The following RXRA variants were observed in gnomAD, a reference collection of about 807,000 sequenced individuals.
RXRA encodes retinoic acid receptor RXR-alpha.
In RXRA, 5 loss-of-function variants were observed where a neutral mutation model predicts 44.5. The observed-to-expected ratio is 0.11, with a 90% CI of 0.06 to 0.24. The LOEUF is 0.24. Ranked by LOEUF, RXRA falls within the 10% of genes least tolerant of loss-of-function variation. RXRA has a pLI of 1.00. For synonymous variants in RXRA, 291 were observed against 271.4 expected (o/e 1.07, Z -0.71); for missense variants, 412 against 646.5 (o/e 0.64, Z 3.93).
At chr9:134,380,611 C>T (rs1564277924) in intron 1 of RXRA, among the ~76,000 whole-genome samples, 1 of 152,096 alleles carries the variant, frequency 6.6e-6, no homozygotes, top group South Asian at 2.1e-4. Flanking sequence ...GCCATGGGGT[C>T]CCTGCTCTCT....
intron 1 of RXRA, among the ~76,000 whole-genome samples, chr9:134,383,721 T>G (rs991670998): frequency 2.6e-5 from 4 of 152,106 alleles, no homozygotes; most frequent in African/African-American, 9.7e-5. Flanking sequence ...GGTGTGCCTC[T>G]TGGGAATAAA....
In RXRA at chr9:134,429,127, C is replaced by T. The variant is rs370309158; in HGVS notation, c.930C>T (p.Ile310=). 141 of 1,612,932 alleles carry T rather than the reference C, an allele frequency of 8.7e-5. No individual in the cohort carries two copies. Among genetic ancestry groups the T allele is most frequent in the Middle Eastern group, 1.6e-4 (1 of 6,082 alleles). Residue 310 remains isoleucine (I), a synonymous_variant, in exon 7 of 10, where the codon ATC becomes ATT. Coordinates refer to ENST00000481739, the MANE Select transcript of RXRA (RefSeq NM_002957.6). The part of the protein sequence containing the change: ...LLRAGWNELL[I]ASFSHRSIAV... Reference sequence around the variant, plus strand: ...CCCCAGGCTGGAATGAGCTGCTCATCGCCTCCTTCTCCCACCGCTCCATCG... The same window carrying T: ...CCCCAGGCTGGAATGAGCTGCTCATTGCCTCCTTCTCCCACCGCTCCATCG...
At chr9:134,370,000 C>T (rs1250023380) in intron 1 of RXRA, among the ~76,000 whole-genome samples, 2 of 152,274 alleles carry the variant, frequency 1.3e-5, no homozygotes, top group East Asian at 3.9e-4. Flanking sequence ...CCTCGGTGCA[C>T]CGAGGAAAGC....
chr9:134,379,431 C>T (rs1830606699), intron 1 of RXRA: 1 of 987,440 alleles, frequency 1.0e-6, no homozygotes, highest in Non-Finnish European at 1.2e-6. Flanking sequence ...ACTTCCTGGC[C>T]ATCCAGGCAT....
At chr9:134,431,877 A>G in intron 7 of RXRA, 28 bp from the exon 8 acceptor site, 1 of 1,569,668 alleles carries the variant, frequency 6.4e-7, no homozygotes, top group Non-Finnish European at 8.8e-7. Flanking sequence ...CCTAACTGGG[A>G]TGGGGTGTCT....
chr9:134,431,504 C>T (rs1264706307), intron 7 of RXRA, among the ~76,000 whole-genome samples: 1 of 152,208 alleles, frequency 6.6e-6, no homozygotes, highest in Non-Finnish European at 1.5e-5. Context: ...TCAGGTGGTG[C>T]TGGGTCCACA....
chr9:134,417,101 C>T lies in RXRA; in HGVS notation c.611-57C>T. ...GCACCACCCGGCCAGGACAGCCTTC[C>T]CTGGGAGCCACTGGCCGGGCTGAGC... On this transcript the variant is annotated intron_variant, in intron 4 of 9. Coordinates refer to ENST00000481739, the MANE Select transcript of RXRA (RefSeq NM_002957.6). The surrounding 1 kb of genome is among the most constrained non-coding windows in gnomAD (Gnocchi z 6.1). 1 of 1,553,284 alleles carries T rather than the reference C, an allele frequency of 6.4e-7. No homozygotes were observed. The highest frequency in any genetic ancestry group is 1.3e-5 in the African/African-American group (1 of 74,276).
rs7858806 is a variant in RXRA, at chr9:134,417,592, G to A, written c.780+265G>A. On this transcript the variant is annotated intron_variant, in intron 5 of 9. Transcript: ENST00000481739. This position sits in a 1 kb window ranked among gnomAD's most constrained non-coding sequence, Gnocchi z 6.1. ...AGGGGCCCGGGGCCTGGGGCCCTGCGGCCACATCATCATCCTCGGCCACCT... is the reference window on the plus strand; with the variant it reads ...AGGGGCCCGGGGCCTGGGGCCCTGCAGCCACATCATCATCCTCGGCCACCT... 0.12 allele frequency among the ~76,000 whole-genome samples: 17,824 copies of A among 152,014 alleles called. 3,327 individuals carry two copies. Among genetic ancestry groups the A allele is most frequent in the African/African-American group, 0.4 (16,403 of 41,366 alleles).
intron 1 of RXRA, among the ~76,000 whole-genome samples, chr9:134,399,072 C>T (rs1830921906): frequency 6.6e-6 from 1 of 152,274 alleles, no homozygotes; most frequent in Non-Finnish European, 1.5e-5. Context: ...CTGAGCAGAA[C>T]TTGCTGCTGA....
intron 6 of RXRA, chr9:134,422,198 A>AGGGACACACTTCCCCCTCCT (rs1564294822): frequency 1.7e-6 from 2 of 1,192,302 alleles, no homozygotes; most frequent in East Asian, 6.4e-5. Flanking sequence ...TTCCCCCTCC[A>AGGGACACACTTCCCCCTCCT]GGGACACACT....
chr9:134,360,215 G>A (rs972549493), intron 1 of RXRA, among the ~76,000 whole-genome samples: 1 of 152,214 alleles, frequency 6.6e-6, no homozygotes, highest in Non-Finnish European at 1.5e-5. Context: ...CAGTAGCCTC[G>A]GTGGGGGGCA....
chr9:134,333,657 T>G (rs1835043167), intron 1 of RXRA, among the ~76,000 whole-genome samples: 1 of 152,212 alleles, frequency 6.6e-6, no homozygotes, highest in African/African-American at 2.4e-5. Flanking sequence ...TTCCTGGTGC[T>G]GCAGCCCAGA....
intron 5 of RXRA, among the ~76,000 whole-genome samples, chr9:134,420,607 C>G (rs34371244): frequency 6.6e-6 from 1 of 152,370 alleles, no homozygotes; most frequent in African/African-American, 2.4e-5. Context: ...CTCTGATGAG[C>G]AGATGGTTGC....
intron 6 of RXRA, among the ~76,000 whole-genome samples, chr9:134,427,609 T>C (rs895119192): frequency 6.6e-6 from 1 of 152,114 alleles, no homozygotes; most frequent in East Asian, 1.9e-4. Flanking sequence ...AACTCCCTCC[T>C]GGGGCCCTGG....
intron 4 of RXRA, among the ~76,000 whole-genome samples, chr9:134,415,619 C>T (rs1413041113): frequency 6.6e-6 from 1 of 152,080 alleles, no homozygotes; most frequent in Non-Finnish European, 1.5e-5. Context: ...AACCCCTCTG[C>T]CAGGCCATAC....
At chr9:134,346,463 G>A (rs1430514404) in intron 1 of RXRA, among the ~76,000 whole-genome samples, 1 of 152,192 alleles carries the variant, frequency 6.6e-6, no homozygotes, top group Non-Finnish European at 1.5e-5. Context: ...CTTGCAGCTG[G>A]TTCTGCTTGT....
chr9:134,350,594 C>A (rs1830209456), intron 1 of RXRA, among the ~76,000 whole-genome samples: 1 of 152,224 alleles, frequency 6.6e-6, no homozygotes, highest in Non-Finnish European at 1.5e-5. Context: ...GTGCTGTGCC[C>A]TGTGCTGTGC....
At position 134,417,192 on chromosome 9, in the gene RXRA, G is replaced by C. The variant is rs776150837; in HGVS notation, c.645G>C (p.Arg215=). The C allele has an allele frequency of 1.2e-6, 2 of 1,613,216 alleles. No homozygotes were observed. The highest frequency in any genetic ancestry group is 4.5e-5 in the East Asian group (2 of 44,872). The change falls in exon 5 of 10, where the codon CGG becomes CGC. Residue 215 remains arginine (R), a synonymous_variant. Coordinates refer to ENST00000481739, the MANE Select transcript of RXRA (RefSeq NM_002957.6). This position sits in a 1 kb window ranked among gnomAD's most constrained non-coding sequence, Gnocchi z 6.1. The part of the protein sequence containing the change: ...VQEERQRGKD[R]NENEVESTSS... ...AGGAGCGGCAGCGTGGCAAGGACCG[G>C]AACGAGAATGAGGTGGAGTCGACCA...
intron 6 of RXRA, chr9:134,423,652 C>T: frequency 2.0e-6 from 2 of 985,500 alleles, no homozygotes; most frequent in South Asian, 4.7e-5. Flanking sequence ...TGGGTCCTTG[C>T]CCCTCTGGGC....
Sources: gnomAD v4.1 joint callset for allele counts (sites outside exome capture counted in the v4.1 genomes callset) on GRCh38, gnomAD v4.1.1 for gene constraint, Gnocchi (gnomAD v3.1) non-coding constraint, MANE v1.5 for transcripts, NCBI Gene and HGNC (gene_info 2026-07-23, HGNC 2026-07-21) for gene names.